The following PDE1C variants were observed in gnomAD, a reference collection of about 807,000 sequenced individuals.
The protein encoded by PDE1C is phosphodiesterase 1C, also known as dual specificity calcium/calmodulin-dependent 3',5'-cyclic nucleotide phosphodiesterase 1C.
PDE1C carries 62 observed loss-of-function variants against 93.1 expected under a neutral mutation model. That is an observed-to-expected ratio of 0.67 (90% CI 0.54 to 0.82). The LOEUF (loss-of-function observed/expected upper bound fraction) is 0.82, where lower values mean the gene tolerates loss of function less well. Among genes scored for constraint, PDE1C ranks in the 40% least tolerant of loss-of-function variants. The pLI, the probability that PDE1C is intolerant of heterozygous loss-of-function variation, is 0.00. For missense variants in PDE1C, 742 were observed against 884.6 expected (o/e 0.84, Z 2.04); for synonymous variants, 325 against 310.1 (o/e 1.05, Z -0.50).
intron 1 of PDE1C, among the ~76,000 whole-genome samples, chr7:32,066,468 TGA>T (rs1242298968): frequency 1.3e-5 from 2 of 152,168 alleles, no homozygotes; most frequent in African/African-American, 2.4e-5. Flanking sequence ...AATAAATATA[TGA>T]GATTAGATAA....
intron 6 of PDE1C, among the ~76,000 whole-genome samples, chr7:31,869,562 C>G (rs1324199157): frequency 6.6e-6 from 1 of 151,886 alleles, no homozygotes; most frequent in African/African-American, 2.4e-5. Flanking sequence ...TCAATTCAGC[C>G]AGAGGATATA....
chr7:32,042,898 C>T (rs1792032192), intron 2 of PDE1C, among the ~76,000 whole-genome samples: 1 of 152,166 alleles, frequency 6.6e-6, no homozygotes, highest in African/African-American at 2.4e-5. Flanking sequence ...AGCCAAAGAC[C>T]ACATTCGTTC....
At chr7:32,295,604 C>T (rs886580566) in intron 1 of PDE1C, among the ~76,000 whole-genome samples, 1 of 152,164 alleles carries the variant, frequency 6.6e-6, no homozygotes, top group Non-Finnish European at 1.5e-5. Flanking sequence ...TTAAGAAGTA[C>T]TCATGGGTCA....
At chr7:31,903,463 G>T (rs937177188) in intron 2 of PDE1C, among the ~76,000 whole-genome samples, 4 of 151,874 alleles carry the variant, frequency 2.6e-5, no homozygotes, top group Non-Finnish European at 5.9e-5. Flanking sequence ...TATTCAACTG[G>T]TGAAAAATTC....
chr7:31,636,645 C>G, the PDE1C span, among the ~76,000 whole-genome samples: 7 of 152,034 alleles, frequency 4.6e-5, no homozygotes, highest in African/African-American at 9.6e-5. Context: ...CTCACGCTCT[C>G]CTATCCCATA....
intron 3 of PDE1C, among the ~76,000 whole-genome samples, chr7:32,125,600 C>A (rs1052044650): frequency 6.6e-6 from 1 of 152,072 alleles, no homozygotes; most frequent in African/African-American, 2.4e-5. Flanking sequence ...CCATAATCCT[C>A]AGCAAACTAA....
intron 1 of PDE1C, among the ~76,000 whole-genome samples, chr7:32,246,888 A>G (rs190583709): frequency 8.5e-4 from 129 of 152,396 alleles, no homozygotes; most frequent in Admixed American, 1.4e-3. Flanking sequence ...TTTTGAATTA[A>G]ATGTATTGAG....
At chr7:32,320,855 C>G (rs548689110) in intron 1 of PDE1C, among the ~76,000 whole-genome samples, 1 of 152,312 alleles carries the variant, frequency 6.6e-6, no homozygotes, top group South Asian at 2.1e-4. Context: ...GTCACCAGAG[C>G]TGCATCTTCC....
chr7:31,756,980 T>C (rs569310714), intron 17 of PDE1C, among the ~76,000 whole-genome samples: 2 of 152,300 alleles, frequency 1.3e-5, no homozygotes, highest in South Asian at 2.1e-4. Context: ...GGCTTCCTTG[T>C]GAAAAACCAG....
intron 9 of PDE1C, among the ~76,000 whole-genome samples, chr7:31,841,227 C>CTCTCTCTCTATATA (rs751320538): frequency 0.016 from 2,264 of 142,218 alleles, 36 homozygotes; most frequent in African/African-American, 0.047. Flanking sequence ...CTCTCTCTCT[C>CTCTCTCTCTATATA]TATATATATA....
intron 2 of PDE1C, among the ~76,000 whole-genome samples, chr7:31,908,660 G>A (rs986962095): frequency 6.6e-6 from 1 of 152,100 alleles, no homozygotes; most frequent in Non-Finnish European, 1.5e-5. Context: ...TTTCAGAAAC[G>A]AGGAAACTGG....
chr7:31,799,989 A>G (rs1785795794), intron 16 of PDE1C, among the ~76,000 whole-genome samples: 1 of 151,752 alleles, frequency 6.6e-6, no homozygotes, highest in Admixed American at 6.6e-5. Context: ...TTATCTTAAT[A>G]TGGTTTTAAA....
rs141433954 is a variant in PDE1C, at chr7:32,190,047, T to C, written c.136+19442A>G. ...TCAATTACATCATGCATGGGCTTTC[T>C]TTGGCTTCTGACCCAACTGGCTTCA... On this transcript the variant is annotated intron_variant, in intron 2 of 18. Coordinates refer to the PDE1C transcript ENST00000396193. Among the ~76,000 whole-genome samples, 19 of 152,368 alleles carry C rather than the reference T, an allele frequency of 1.2e-4. No individual in the cohort carries two copies. In the East Asian group the frequency reaches 3.3e-3, roughly 26 times the overall value.
At chr7:31,820,377 A>C (rs1389527687) in intron 14 of PDE1C, among the ~76,000 whole-genome samples, 10 of 152,174 alleles carry the variant, frequency 6.6e-5, no homozygotes, top group Non-Finnish European at 1.5e-4. Context: ...ATGTTAAAAA[A>C]AAGTACTAAA....
intron 2 of PDE1C, among the ~76,000 whole-genome samples, chr7:31,904,025 C>T (rs1010516708): frequency 3.7e-4 from 56 of 152,194 alleles, no homozygotes; most frequent in African/African-American, 1.2e-3. Context: ...AAATGTATGT[C>T]ATTTATAATT....
intron 1 of PDE1C, among the ~76,000 whole-genome samples, chr7:32,309,064 G>A (rs1385103920): frequency 6.6e-6 from 1 of 152,074 alleles, no homozygotes; most frequent in Non-Finnish European, 1.5e-5. Flanking sequence ...AGGAGCTGAT[G>A]GAGCTGAAAG....
intron 1 of PDE1C, among the ~76,000 whole-genome samples, chr7:32,211,691 AT>A (rs1806043977): frequency 6.6e-6 from 1 of 152,012 alleles, no homozygotes; most frequent in South Asian, 2.1e-4. Flanking sequence ...AGTTCAACTT[AT>A]TTCTTCCATT....
chr7:32,368,412 AC>A (rs1784263878), intron 1 of PDE1C, among the ~76,000 whole-genome samples: 2 of 152,192 alleles, frequency 1.3e-5, no homozygotes, highest in Admixed American at 1.3e-4. Context: ...CAATAGCTAT[AC>A]AAAATAATAA....
upstream of PDE1C, among the ~76,000 whole-genome samples, chr7:32,074,900 A>G (rs1169994291): frequency 6.6e-6 from 1 of 152,170 alleles, no homozygotes; most frequent in Non-Finnish European, 1.5e-5. Context: ...AAAATGCTGG[A>G]ATGATCAGCC....
Sources: allele counts gnomAD v4.1 joint callset (sites outside exome capture counted in the v4.1 genomes callset), GRCh38; gene constraint gnomAD v4.1.1; transcripts MANE v1.5; gene names NCBI Gene and HGNC (gene_info 2026-07-23, HGNC 2026-07-21).